APP: variants seen among roughly 807,000 people sequenced by gnomAD.
APP encodes amyloid beta precursor protein, also known as amyloid-beta precursor protein.
In APP, 31 loss-of-function variants were observed where a neutral mutation model predicts 101.4. The ratio of observed to expected loss-of-function variants is 0.31; its 90% CI spans 0.23 to 0.41. The LOEUF (loss-of-function observed/expected upper bound fraction) is 0.41, where lower values mean the gene tolerates loss of function less well. Among genes scored for constraint, APP ranks in the 10% least tolerant of loss-of-function variants. The pLI, the probability that APP is intolerant of heterozygous loss-of-function variation, is 1.00. For synonymous variants in APP, 366 were observed against 364.4 expected, an observed-to-expected ratio of 1.00 and a Z score of -0.05; for missense variants, 839 against 1,003.7, an observed-to-expected ratio of 0.84 and a Z score of 2.22.
intron 3 of APP, among the ~76,000 whole-genome samples, chr21:26,054,737 G>A (rs2045975063): frequency 6.7e-6 from 1 of 149,816 alleles, no homozygotes; most frequent in Non-Finnish European, 1.5e-5. Flanking sequence ...TGGTCCTTCA[G>A]GCAAAACATG....
At chr21:26,155,551 T>C (rs2063358532) in intron 1 of APP, among the ~76,000 whole-genome samples, 1 of 152,198 alleles carries the variant, frequency 6.6e-6, no homozygotes, top group Non-Finnish European at 1.5e-5. Context: ...AATTCACAGA[T>C]AAAATGAGCC....
intron 3 of APP, among the ~76,000 whole-genome samples, chr21:26,066,146 T>C (rs2046444656): frequency 6.6e-6 from 1 of 152,182 alleles, no homozygotes; most frequent in Admixed American, 6.5e-5. Context: ...CTTGTTAAAA[T>C]GCAGGTTTTG....
At chr21:25,920,694 T>G (rs2039587227) in intron 13 of APP, among the ~76,000 whole-genome samples, 1 of 151,598 alleles carries the variant, frequency 6.6e-6, no homozygotes, top group South Asian at 2.1e-4. Flanking sequence ...TAAACATATA[T>G]GCACCCAATA....
intron 8 of APP, among the ~76,000 whole-genome samples, chr21:25,991,278 C>T (rs1018952991): frequency 0.015 from 4 of 266 alleles, no homozygotes; most frequent in African/African-American, 0.048. Flanking sequence ...ACTTCATCCC[C>T]GTAACTAAAA....
At chr21:25,948,254 G>T (rs1225171452) in intron 13 of APP, among the ~76,000 whole-genome samples, 1 of 151,576 alleles carries the variant, frequency 6.6e-6, no homozygotes, top group Admixed American at 6.6e-5. Flanking sequence ...TGTTGGGCTG[G>T]GAAGTGCTAT....
chr21:26,148,794 G>A (rs1263485570), intron 1 of APP, among the ~76,000 whole-genome samples: 1 of 152,200 alleles, frequency 6.6e-6, no homozygotes, highest in Non-Finnish European at 1.5e-5. Flanking sequence ...GCCATGTTCT[G>A]TGCTTTGCAC....
At chr21:25,972,899 G>A (rs1460543178) in intron 11 of APP, among the ~76,000 whole-genome samples, 2 of 151,828 alleles carry the variant, frequency 1.3e-5, no homozygotes, top group Non-Finnish European at 2.9e-5. Flanking sequence ...GACAACAACC[G>A]CTTACAGAGA....
At chr21:25,944,444 T>C (rs762062218) in intron 13 of APP, among the ~76,000 whole-genome samples, 1 of 152,194 alleles carries the variant, frequency 6.6e-6, no homozygotes, top group South Asian at 2.1e-4. Flanking sequence ...AAGCAGCCCA[T>C]AGTGCATACG....
At chr21:26,087,686 T>G (rs1348339344) in intron 3 of APP, among the ~76,000 whole-genome samples, 1 of 152,242 alleles carries the variant, frequency 6.6e-6, no homozygotes, top group Admixed American at 6.5e-5. Context: ...GGTAATTATC[T>G]GTCAGTGGAA....
rs2038052868 is a variant in APP, at chr21:25,896,440, CAA to C, written c.2064+1131_2064+1132del. Among the ~76,000 whole-genome samples the C allele has an allele frequency of 5.9e-5, 9 of 151,468 alleles. 1 individual carries two copies. Among genetic ancestry groups the C allele is most frequent in the African/African-American group, 2.2e-4 (9 of 41,382 alleles). On this transcript the variant is annotated intron_variant, in intron 16 of 17. Coordinates refer to ENST00000346798, the MANE Select transcript of APP (RefSeq NM_000484.4). ...CACTCACACACACACACACACAAAA[CAA>C]AACAAAAGAAGTGCCTGAGATAACT...
At chr21:25,900,562 A>AAAAT (rs761323719) in intron 15 of APP, among the ~76,000 whole-genome samples, 17 of 152,024 alleles carry the variant, frequency 1.1e-4, no homozygotes, top group African/African-American at 3.9e-4. Context: ...TCTGTCTCCA[A>AAAAT]AAATAAATAA....
chr21:26,102,108 G>A (rs1157526476), intron 2 of APP, among the ~76,000 whole-genome samples: 1 of 4,774 alleles, frequency 2.1e-4, no homozygotes, highest in African/African-American at 8.4e-4. Flanking sequence ...TTTTTTTGGA[G>A]CCGGAGTCTC....
intron 16 of APP, among the ~76,000 whole-genome samples, chr21:25,894,658 T>C (rs2037913484): frequency 6.6e-6 from 1 of 152,102 alleles, no homozygotes; most frequent in African/African-American, 2.4e-5. Flanking sequence ...GGATGAGGAG[T>C]TACCTCTTAT....
intron 17 of APP, among the ~76,000 whole-genome samples, chr21:25,884,764 C>T (rs563001978): frequency 1.2e-4 from 18 of 152,336 alleles, no homozygotes; most frequent in Non-Finnish European, 1.9e-4. Context: ...AAAAAAGCCA[C>T]AATGCTGCTT....
At chr21:26,144,994 G>T (rs1172995011) in intron 1 of APP, among the ~76,000 whole-genome samples, 1 of 152,156 alleles carries the variant, frequency 6.6e-6, no homozygotes, top group African/African-American at 2.4e-5. Flanking sequence ...ACAATAAAAC[G>T]TTCTTTTCAA....
intron 3 of APP, chr21:26,068,380 TA>T: frequency 7.2e-6 from 1 of 139,284 alleles, no homozygotes; most frequent in Non-Finnish European, 1.6e-5. Flanking sequence ...TTTTTTTTTT[TA>T]AAGAGACGGG....
At chr21:25,936,063 C>T (rs1032524155) in intron 13 of APP, among the ~76,000 whole-genome samples, 6 of 152,076 alleles carry the variant, frequency 3.9e-5, no homozygotes, top group African/African-American at 1.4e-4. Context: ...TAGACAGTAG[C>T]TGAGGAACGA....
At chr21:25,950,236 T>C (rs1015348592) in intron 13 of APP, among the ~76,000 whole-genome samples, 3 of 152,186 alleles carry the variant, frequency 2.0e-5, no homozygotes, top group African/African-American at 7.2e-5. Flanking sequence ...CATTAGTTGG[T>C]TACATGGTTG....
intron 11 of APP, among the ~76,000 whole-genome samples, chr21:25,968,477 A>C (rs534786372): frequency 6.6e-6 from 1 of 152,166 alleles, no homozygotes; most frequent in Non-Finnish European, 1.5e-5. Context: ...ATTTATTTTA[A>C]ATACATGTGC....
Sources: allele counts gnomAD v4.1 joint callset (sites outside exome capture counted in the v4.1 genomes callset), GRCh38; gene constraint gnomAD v4.1.1; transcripts MANE v1.5; gene names NCBI Gene and HGNC (gene_info 2026-07-23, HGNC 2026-07-21).